MYO5B: variants seen among roughly 807,000 people sequenced by gnomAD.
The protein encoded by MYO5B is myosin VB, also known as unconventional myosin-Vb.
Under a neutral mutation model 229.3 loss-of-function variants are expected in MYO5B, and 143 were observed. That is an observed-to-expected ratio of 0.62 (90% CI 0.54 to 0.72). The LOEUF is 0.72. MYO5B is among the 30% of genes least tolerant of loss of function. The pLI is 0.00. For missense variants in MYO5B, 2,321 were observed against 2,331.0 expected (o/e 1.00, Z 0.09); for synonymous variants, 918 against 885.2 (o/e 1.04, Z -0.66).
chr18:49,965,062 G>A (rs2025607021), intron 10 of MYO5B, among the ~76,000 whole-genome samples: 1 of 152,230 alleles, frequency 6.6e-6, no homozygotes, highest in African/African-American at 2.4e-5. Flanking sequence ...CCGGGGGAGA[G>A]TGTGCAAGCC....
chr18:49,952,277 G>A (rs2025438413), intron 14 of MYO5B, among the ~76,000 whole-genome samples: 1 of 152,166 alleles, frequency 6.6e-6, no homozygotes, highest in South Asian at 2.1e-4. Context: ...AATGTTATCA[G>A]GCCCCTGCAG....
In MYO5B at chr18:50,170,287, G is replaced by C. The variant is rs1293778115; in HGVS notation, c.27+24480C>G. On this transcript the variant is annotated intron_variant, in intron 1 of 39. Transcript: ENST00000285039. ...GCAGCATCGCAATGAGTCAAAGCAG[G>C]TTTTCAAGTTTTCCATCAGAAATGT... 2.4e-5 allele frequency among the ~76,000 whole-genome samples: 3 copies of C among 126,562 alleles called. 1 individual carries two copies. In the Admixed American group the frequency reaches 2.6e-4, roughly 11 times the overall value. The allele number at this position is 126,562 out of a possible 152,430, so 83.0% of individuals were successfully genotyped here. A position where few individuals can be genotyped will look rare whatever the true frequency, so the allele number is the denominator to read the frequency against.
At chr18:50,040,043 TGA>T in intron 3 of MYO5B, 98 bp downstream of exon 3, 4 of 1,305,710 alleles carry the variant, frequency 3.1e-6, no homozygotes, top group Non-Finnish European at 4.4e-6. Context: ...TACTTACAAA[TGA>T]GAGAGTGAAA....
At chr18:49,869,714 T>C (rs2144090131) in intron 27 of MYO5B, among the ~76,000 whole-genome samples, 1 of 152,172 alleles carries the variant, frequency 6.6e-6, no homozygotes, top group Middle Eastern at 3.4e-3. Flanking sequence ...CGTAGGGTAG[T>C]ACAGTGGTTC....
At chr18:49,972,953 T>C (rs1404595240) in intron 10 of MYO5B, among the ~76,000 whole-genome samples, 1 of 152,052 alleles carries the variant, frequency 6.6e-6, no homozygotes, top group Non-Finnish European at 1.5e-5. Flanking sequence ...TCCTCATATC[T>C]TGGTTGCACT....
chr18:49,987,444 G>C (rs1164591216), intron 7 of MYO5B, among the ~76,000 whole-genome samples: 2 of 152,068 alleles, frequency 1.3e-5, no homozygotes, highest in Admixed American at 6.5e-5. Context: ...GCTGAACACT[G>C]ACTATCCCAT....
At chr18:50,016,274 T>A (rs922046435) in intron 4 of MYO5B, among the ~76,000 whole-genome samples, 1 of 152,206 alleles carries the variant, frequency 6.6e-6, no homozygotes, top group African/African-American at 2.4e-5. Flanking sequence ...TATTAACCCA[T>A]GATCCAATCC....
At chr18:50,034,399 A>C (rs1417642268) in intron 4 of MYO5B, among the ~76,000 whole-genome samples, 1 of 152,232 alleles carries the variant, frequency 6.6e-6, no homozygotes, top group Non-Finnish European at 1.5e-5. Flanking sequence ...TCCAATGTAC[A>C]TCTCAGATCA....
chr18:49,856,638 A>G (rs1031034669), intron 30 of MYO5B, among the ~76,000 whole-genome samples, 175 bp downstream of exon 30: 2 of 152,220 alleles, frequency 1.3e-5, no homozygotes, highest in African/African-American at 4.8e-5. Flanking sequence ...ACCCTCAGCC[A>G]TATCTGTACA....
chr18:49,930,561 G>C (rs1428810651), intron 16 of MYO5B, among the ~76,000 whole-genome samples: 1 of 152,130 alleles, frequency 6.6e-6, no homozygotes, highest in Non-Finnish European at 1.5e-5. Context: ...AGAAGCCAGA[G>C]AGCAATTGTC....
intron 1 of MYO5B, among the ~76,000 whole-genome samples, chr18:50,179,499 A>G (rs1378034312): frequency 3.9e-5 from 6 of 152,212 alleles, no homozygotes; most frequent in African/African-American, 1.4e-4. Flanking sequence ...AAAGCTTCAG[A>G]GCTTGGGTCA....
At chr18:49,895,293 C>G in intron 21 of MYO5B, 119 bp from the exon 22 acceptor site, 1 of 813,744 alleles carries the variant, frequency 1.2e-6, no homozygotes, top group Non-Finnish European at 2.1e-6. Flanking sequence ...AGGATTAAGT[C>G]TCACAATCAT....
Position 49,879,050 on chromosome 18 carries a change from C to T in MYO5B, c.3171G>A (p.Lys1057=), listed in dbSNP as rs1209727377. Residue 1057 remains lysine, a synonymous_variant, in exon 24 of 40, where the codon AAG becomes AAA. Coordinates refer to ENST00000285039, the MANE Select transcript of MYO5B (RefSeq NM_001080467.3). ...GGGATCGCTCCTCCTCCAGTTCTTTCTTCATGAGATTTTCCTTCACAGAGT... is the reference window on the plus strand; with the variant it reads ...GGGATCGCTCCTCCTCCAGTTCTTTTTTCATGAGATTTTCCTTCACAGAGT... ...AQNSVKENLM[K]KELEEERSRY... 1 of 1,596,426 alleles carries T rather than the reference C, an allele frequency of 6.3e-7. No individual in the cohort carries two copies. The highest frequency in any genetic ancestry group is 1.7e-5 in the Admixed American group (1 of 58,588).
At chr18:50,188,643 C>T (rs1405297914) in intron 1 of MYO5B, among the ~76,000 whole-genome samples, 1 of 151,822 alleles carries the variant, frequency 6.6e-6, no homozygotes, top group Non-Finnish European at 1.5e-5. Context: ...AAAAAGTAGC[C>T]GGGAGTGGTG....
At chr18:50,043,249 C>T (rs2030075709) in intron 2 of MYO5B, among the ~76,000 whole-genome samples, 1 of 121,836 alleles carries the variant, frequency 8.2e-6, no homozygotes, top group Non-Finnish European at 1.6e-5. Context: ...TATATATATA[C>T]ATAAATATTC....
intron 4 of MYO5B, among the ~76,000 whole-genome samples, chr18:50,023,181 A>G (rs1284812070): frequency 1.3e-5 from 2 of 152,172 alleles, no homozygotes; most frequent in East Asian, 3.8e-4. Flanking sequence ...CCATGACAGT[A>G]AAGACATCTT....
At chr18:50,079,244 A>C (rs2031157541) in intron 1 of MYO5B, among the ~76,000 whole-genome samples, 1 of 152,238 alleles carries the variant, frequency 6.6e-6, no homozygotes, top group African/African-American at 2.4e-5. Flanking sequence ...AGTTCAAGAA[A>C]GTTAGAGAAT....
rs886053861 is a variant in MYO5B, at chr18:49,824,833, G to A, written c.*1638C>T. The A allele has an allele frequency of 3.9e-5, 6 of 152,206 alleles. No homozygotes were observed. The highest frequency in any genetic ancestry group is 2.4e-5 in the African/African-American group (1 of 41,456). 9.4% of individuals were successfully genotyped at this position (152,206 alleles called of 1,614,324 possible). Reference sequence around the variant, plus strand: ...AAGAGAAGCCGGCATGTTTAATGTGGATGTAGAGGGGATAATGCCCATGAC... The same window carrying A: ...AAGAGAAGCCGGCATGTTTAATGTGAATGTAGAGGGGATAATGCCCATGAC... On this transcript the variant is annotated 3_prime_UTR_variant, in exon 40 of 40. Coordinates refer to ENST00000285039, the MANE Select transcript of MYO5B (RefSeq NM_001080467.3).
chr18:49,940,276 G>C (rs1278943264), intron 14 of MYO5B, among the ~76,000 whole-genome samples: 2 of 152,122 alleles, frequency 1.3e-5, no homozygotes, highest in Admixed American at 6.5e-5. Context: ...TCTCCCTTCT[G>C]CAGTCAGAGA....
Sources: gnomAD v4.1 joint callset for allele counts (sites outside exome capture counted in the v4.1 genomes callset) on GRCh38, gnomAD v4.1.1 for gene constraint, MANE v1.5 for transcripts, NCBI Gene and HGNC (gene_info 2026-07-23, HGNC 2026-07-21) for gene names.